The following CRACDL variants were observed in gnomAD, a reference collection of about 807,000 sequenced individuals.
The protein encoded by CRACDL is CRACD-like protein.
CRACDL carries 26 observed loss-of-function variants against 70.6 expected under a neutral mutation model. That is an observed-to-expected ratio of 0.37 (90% CI 0.27 to 0.51). The LOEUF is 0.51. Among genes scored for constraint, CRACDL ranks in the 20% least tolerant of loss-of-function variants. The pLI is 0.94. For missense variants in CRACDL, 1,283 were observed against 1,376.9 expected, an observed-to-expected ratio of 0.93 and a Z score of 1.08; for synonymous variants, 618 against 615.2, an observed-to-expected ratio of 1.00 and a Z score of -0.07.
At position 98,910,662 on chromosome 2, in the gene CRACDL, C is replaced by T. The variant is rs12469205; in HGVS notation, c.-11+25276G>A. ...ACCGTTTCTACAAAAGAAGGAGGAGCCTCAAAGCCGAGAGAGTGGGAGTTG... is the reference window on the plus strand; with the variant it reads ...ACCGTTTCTACAAAAGAAGGAGGAGTCTCAAAGCCGAGAGAGTGGGAGTTG... On this transcript the variant is annotated intron_variant, in intron 1 of 9. Coordinates refer to ENST00000397899, the MANE Select transcript of CRACDL (RefSeq NM_207362.3). Among the ~76,000 whole-genome samples the T allele has an allele frequency of 1.7e-3, 257 of 152,302 alleles. 3 individuals carry two copies. The highest frequency in any genetic ancestry group is 0.01 in the Admixed American group (156 of 15,304).
At chr2:98,796,069 G>A (rs781543736) in intron 9 of CRACDL, 51 bp downstream of exon 9, 4 of 1,578,524 alleles carry the variant, frequency 2.5e-6, no homozygotes, top group East Asian at 2.3e-5. Context: ...CTGCAGGAAC[G>A]ACCCAGGAAA....
intron 7 of CRACDL, among the ~76,000 whole-genome samples, chr2:98,801,888 C>G (rs137911140): frequency 7.2e-5 from 11 of 152,324 alleles, no homozygotes; most frequent in Middle Eastern, 3.4e-3. Flanking sequence ...GTTATTGTTC[C>G]TGCTGGAGGA....
At chr2:98,846,869 T>C in intron 1 of CRACDL, 59 bp from the exon 2 acceptor site, 1 of 1,384,946 alleles carries the variant, frequency 7.2e-7, no homozygotes. Context: ...TACCAATGAG[T>C]GAAATGGTGT....
intron 5 of CRACDL, among the ~76,000 whole-genome samples, chr2:98,830,112 C>G (rs1442017043): frequency 1.3e-5 from 2 of 152,252 alleles, no homozygotes; most frequent in African/African-American, 4.8e-5. Context: ...GTTTATCACA[C>G]TCTACCTGGC....
chr2:98,884,461 G>T (rs941847210), intron 1 of CRACDL, among the ~76,000 whole-genome samples: 1 of 152,206 alleles, frequency 6.6e-6, no homozygotes, highest in East Asian at 1.9e-4. Flanking sequence ...CACAGTGACA[G>T]AGCCAGGCAG....
intron 1 of CRACDL, among the ~76,000 whole-genome samples, chr2:98,866,216 T>C (rs1374635025): frequency 6.6e-6 from 1 of 152,186 alleles, no homozygotes; most frequent in Non-Finnish European, 1.5e-5. Flanking sequence ...TGGTCAGATT[T>C]GAAGTATCTT....
intron 1 of CRACDL, among the ~76,000 whole-genome samples, chr2:98,921,463 T>C (rs780211236): frequency 1.4e-4 from 21 of 152,276 alleles, no homozygotes; most frequent in Non-Finnish European, 4.4e-5. Flanking sequence ...ACATGTATTA[T>C]GGTGTTCCCT....
rs1007760696 is a variant in CRACDL at position 98,795,773 on chromosome 2, G to A, written c.2749+347C>T. 3.3e-5 allele frequency among the ~76,000 whole-genome samples: 5 copies of A among 152,128 alleles called. No homozygotes were observed. In the South Asian group the frequency reaches 6.2e-4, roughly 19 times the overall value. On this transcript the variant is annotated intron_variant, in intron 9 of 9. Coordinates refer to ENST00000397899, the MANE Select transcript of CRACDL (RefSeq NM_207362.3). ...AATACTCAAGTACTGCAGTCAGCCC[G>A]TGGAACCCGCACATAAAAAAAGACG...
At chr2:98,879,738 G>A (rs72813012) in intron 1 of CRACDL, among the ~76,000 whole-genome samples, 5,500 of 152,254 alleles carry the variant, frequency 0.036, 132 homozygotes, top group Middle Eastern at 0.065. Context: ...TAAACACAGG[G>A]TTTCGCCGTG....
chr2:98,865,337 A>T (rs1189032533), intron 1 of CRACDL, among the ~76,000 whole-genome samples: 2 of 151,554 alleles, frequency 1.3e-5, no homozygotes, highest in African/African-American at 4.8e-5. Flanking sequence ...ATGTGTCAAG[A>T]CCTCCCGCGA....
At chr2:98,799,956 G>A (rs912045217) in intron 7 of CRACDL, among the ~76,000 whole-genome samples, 8 of 152,064 alleles carry the variant, frequency 5.3e-5, no homozygotes, top group African/African-American at 1.4e-4. Context: ...ACCCTCAGCC[G>A]TCATCGCTTC....
intron 7 of CRACDL, among the ~76,000 whole-genome samples, chr2:98,816,278 T>C (rs1704780559): frequency 6.6e-6 from 1 of 152,212 alleles, no homozygotes. Flanking sequence ...TTTTATGACG[T>C]ATCAGTGGGA....
chr2:98,924,698 G>A (rs1023475697), intron 1 of CRACDL, among the ~76,000 whole-genome samples: 8 of 151,778 alleles, frequency 5.3e-5, no homozygotes, highest in African/African-American at 1.9e-4. Flanking sequence ...CCCCAGGCAT[G>A]GCCCACCTCC....
intron 7 of CRACDL, among the ~76,000 whole-genome samples, chr2:98,817,164 T>C (rs937960469): frequency 1.3e-5 from 2 of 152,064 alleles, no homozygotes; most frequent in Admixed American, 6.5e-5. Context: ...ATTCATACAA[T>C]TGAAGAGCGG....
At chr2:98,891,047 C>T (rs559400638) in intron 1 of CRACDL, among the ~76,000 whole-genome samples, 1 of 151,024 alleles carries the variant, frequency 6.6e-6, no homozygotes, top group Admixed American at 6.6e-5. Context: ...AGCAAGACTC[C>T]ATCTCAAAAA....
chr2:98,843,744 T>C (rs1327547793), intron 2 of CRACDL, among the ~76,000 whole-genome samples: 1 of 152,244 alleles, frequency 6.6e-6, no homozygotes, highest in African/African-American at 2.4e-5. Flanking sequence ...GCCAATACCA[T>C]ACTGTCTTGA....
chr2:98,802,560 T>C (rs1704122433), intron 7 of CRACDL, among the ~76,000 whole-genome samples: 1 of 151,752 alleles, frequency 6.6e-6, no homozygotes, highest in South Asian at 2.1e-4. Context: ...CAACTACGCC[T>C]ACGTGGGACA....
chr2:98,872,934 TAA>T (rs1185940209), intron 1 of CRACDL, among the ~76,000 whole-genome samples: 1 of 152,260 alleles, frequency 6.6e-6, no homozygotes, highest in Non-Finnish European at 1.5e-5. Context: ...TCACGCTTCC[TAA>T]GTTTTCTGAC....
chr2:98,928,865 G>A (rs943916923), intron 1 of CRACDL, among the ~76,000 whole-genome samples: 4 of 152,204 alleles, frequency 2.6e-5, no homozygotes, highest in Non-Finnish European at 4.4e-5. Flanking sequence ...TTCCAATGGA[G>A]CTTGTAGCTG....
Sources: gnomAD v4.1 joint callset for allele counts (sites outside exome capture counted in the v4.1 genomes callset) on GRCh38, gnomAD v4.1.1 for gene constraint, MANE v1.5 for transcripts, NCBI Gene and HGNC (gene_info 2026-07-23, HGNC 2026-07-21) for gene names.